SNX29: variants seen among roughly 807,000 people sequenced by gnomAD.
SNX29 encodes the protein sorting nexin 29.
SNX29 carries 78 observed loss-of-function variants against 102.1 expected under a neutral mutation model. The ratio of observed to expected loss-of-function variants is 0.76; its 90% CI spans 0.64 to 0.92. SNX29 has a LOEUF of 0.92. SNX29 is among the 40% of genes least tolerant of loss of function. The probability of loss-of-function intolerance (pLI) is 0.00; values close to 1 mark genes in which losing one functional copy is unlikely to be tolerated. For synonymous variants in SNX29, 580 were observed against 414.5 expected (o/e 1.40, Z -4.85); for missense variants, 1,280 against 1,061.7 (o/e 1.21, Z -2.86).
chr16:12,032,114 G>T (rs1235316436), intron 4 of SNX29, among the ~76,000 whole-genome samples: 1 of 150,780 alleles, frequency 6.6e-6, no homozygotes, highest in Non-Finnish European at 1.5e-5. Context: ...TGCAATATTT[G>T]TTCTTTTTTG....
intron 15 of SNX29, among the ~76,000 whole-genome samples, chr16:12,324,114 A>T (rs887738359): frequency 3.3e-5 from 5 of 152,002 alleles, no homozygotes; most frequent in Admixed American, 2.6e-4. Flanking sequence ...TCATGTGATT[A>T]TAAACTTTCA....
intron 11 of SNX29, among the ~76,000 whole-genome samples, chr16:12,097,554 G>T (rs200192151): frequency 3.0e-5 from 4 of 134,590 alleles, no homozygotes; most frequent in African/African-American, 2.9e-5. Flanking sequence ...TTTTTTTTTT[G>T]GTCTTTTTTA....
intron 18 of SNX29, among the ~76,000 whole-genome samples, chr16:12,428,224 C>T (rs543828306): frequency 1.3e-5 from 2 of 152,266 alleles, no homozygotes; most frequent in South Asian, 4.2e-4. Context: ...CTTTAAGCTG[C>T]ATTTGGACTG....
At chr16:12,272,477 T>A (rs2079119708) in intron 14 of SNX29, among the ~76,000 whole-genome samples, 2 of 152,234 alleles carry the variant, frequency 1.3e-5, no homozygotes, top group South Asian at 4.1e-4. Context: ...AGCTTCATGC[T>A]GCGGTGCCTG....
chr16:12,305,679 T>C (rs1023683763), intron 15 of SNX29, among the ~76,000 whole-genome samples: 1 of 152,242 alleles, frequency 6.6e-6, no homozygotes, highest in Non-Finnish European at 1.5e-5. Context: ...TGCCACCTCC[T>C]TAAATTTTGC....
chr16:12,551,812 C>T (rs1199349967), intron 20 of SNX29, among the ~76,000 whole-genome samples: 1 of 152,138 alleles, frequency 6.6e-6, no homozygotes, highest in Non-Finnish European at 1.5e-5. Flanking sequence ...CTTCTGTATC[C>T]CCGCCTCAGT....
At chr16:12,322,223 A>C (rs2080963253) in intron 15 of SNX29, among the ~76,000 whole-genome samples, 1 of 152,146 alleles carries the variant, frequency 6.6e-6, no homozygotes, top group African/African-American at 2.4e-5. Context: ...GGGAGTGGGG[A>C]GAACTCCCTG....
chr16:12,067,739 T>C (rs556080753), intron 9 of SNX29, among the ~76,000 whole-genome samples: 8 of 152,290 alleles, frequency 5.3e-5, no homozygotes, highest in African/African-American at 1.9e-4. Flanking sequence ...CCACCTGCCT[T>C]GGCTTCCCAA....
At chr16:12,563,093 A>G (rs1389903108) in intron 20 of SNX29, among the ~76,000 whole-genome samples, 2 of 143,196 alleles carry the variant, frequency 1.4e-5, no homozygotes, top group East Asian at 3.9e-4. Flanking sequence ...TGTTACATAG[A>G]AGACGCACGC....
intron 16 of SNX29, among the ~76,000 whole-genome samples, chr16:12,390,178 G>GTGTA (rs879460087): frequency 1.3e-5 from 2 of 149,444 alleles, no homozygotes; most frequent in African/African-American, 2.5e-5. Flanking sequence ...GTGTGTGTGT[G>GTGTA]TGTATGTATA....
In SNX29 at chr16:12,555,594, A is replaced by G. The variant is rs546329540; in HGVS notation, c.2319-12912A>G. 2.6e-5 allele frequency among the ~76,000 whole-genome samples: 4 copies of G among 151,826 alleles called. No homozygotes were observed. The South Asian group carries it at 8.3e-4, about 32-fold the overall frequency. ...CTCACCTCCATTTCTCCCTGTACCC[A>G]GCAGCTGCCCTTAGTCCAGTGTGCA... On this transcript the variant is annotated intron_variant, in intron 20 of 20. Coordinates refer to ENST00000566228, the MANE Select transcript of SNX29 (RefSeq NM_032167.5).
At chr16:12,549,449 T>A (rs1026271470) in intron 20 of SNX29, among the ~76,000 whole-genome samples, 1 of 152,074 alleles carries the variant, frequency 6.6e-6, no homozygotes, top group African/African-American at 2.4e-5. Flanking sequence ...GACCTAAGAT[T>A]GCACCATTGA....
intron 20 of SNX29, among the ~76,000 whole-genome samples, chr16:12,561,428 A>G (rs913649874): frequency 6.6e-6 from 1 of 152,182 alleles, no homozygotes; most frequent in Non-Finnish European, 1.5e-5. Context: ...GCTGGGTTGC[A>G]GGGATCCAGC....
intron 14 of SNX29, among the ~76,000 whole-genome samples, chr16:12,209,888 C>T (rs2077138463): frequency 1.3e-5 from 2 of 152,182 alleles, no homozygotes; most frequent in Admixed American, 1.3e-4. Flanking sequence ...AGAGCCTGCC[C>T]ATCTGACTCT....
chr16:12,268,413 G>A (rs547366745), intron 14 of SNX29, among the ~76,000 whole-genome samples: 1 of 152,278 alleles, frequency 6.6e-6, no homozygotes, highest in African/African-American at 2.4e-5. Context: ...TGACTCCCAG[G>A]GTCTGTTTCA....
intron 14 of SNX29, among the ~76,000 whole-genome samples, chr16:12,228,989 C>T (rs1177383536): frequency 6.6e-6 from 1 of 152,210 alleles, no homozygotes; most frequent in African/African-American, 2.4e-5. Flanking sequence ...GCGCTTTTCT[C>T]CCCCACTCCC....
intron 10 of SNX29, among the ~76,000 whole-genome samples, chr16:12,072,748 A>G (rs1303775423): frequency 6.6e-6 from 1 of 152,078 alleles, no homozygotes; most frequent in Non-Finnish European, 1.5e-5. Context: ...GAATGGTACC[A>G]GTTCCTCCTT....
At chr16:12,230,517 G>A (rs1035746675) in intron 14 of SNX29, among the ~76,000 whole-genome samples, 2 of 152,184 alleles carry the variant, frequency 1.3e-5, no homozygotes, top group South Asian at 2.1e-4. Context: ...TGAGTTCATC[G>A]ATCTTGCCTA....
chr16:12,219,506 A>G (rs1344761628), intron 14 of SNX29, among the ~76,000 whole-genome samples: 1 of 152,168 alleles, frequency 6.6e-6, no homozygotes, highest in East Asian at 1.9e-4. Context: ...CTTGCTAATG[A>G]CATACAACCT....
Sources: gnomAD v4.1 joint callset for allele counts (sites outside exome capture counted in the v4.1 genomes callset) on GRCh38, gnomAD v4.1.1 for gene constraint, MANE v1.5 for transcripts, NCBI Gene and HGNC (gene_info 2026-07-23, HGNC 2026-07-21) for gene names.